TMEM51: variants seen among roughly 807,000 people sequenced by gnomAD.
TMEM51 encodes chromosome 1 open reading frame 72.
A neutral mutation model predicts 13.6 loss-of-function variants in TMEM51; 8 were observed. The observed-to-expected ratio is 0.59, with a 90% CI of 0.35 to 1.07. The LOEUF (loss-of-function observed/expected upper bound fraction) is 1.07, where lower values mean the gene tolerates loss of function less well. Ranked by LOEUF, TMEM51 falls within the 50% of genes least tolerant of loss-of-function variation. TMEM51 has a pLI of 0.02. For missense variants in TMEM51, 279 were observed against 330.7 expected, an observed-to-expected ratio of 0.84 and a Z score of 1.21; for synonymous variants, 147 against 144.4, an observed-to-expected ratio of 1.02 and a Z score of -0.13.
At chr1:15,211,833 C>T (rs565433878) in intron 2 of TMEM51, among the ~76,000 whole-genome samples, 11 of 129,520 alleles carry the variant, frequency 8.5e-5, no homozygotes, top group East Asian at 4.7e-4. Context: ...CCCCCCCCCC[C>T]CCCCGGGATT....
intron 1 of TMEM51, chr1:15,168,417 G>T: frequency 8.1e-7 from 1 of 1,236,834 alleles, no homozygotes; most frequent in South Asian, 1.5e-5. Context: ...ACAGACAAAT[G>T]GTAGATAAAT....
At chr1:15,193,141 C>CTAGG (rs1269039060) in intron 1 of TMEM51, among the ~76,000 whole-genome samples, 1 of 152,180 alleles carries the variant, frequency 6.6e-6, no homozygotes, top group Non-Finnish European at 1.5e-5. Context: ...GGGGAGGAAT[C>CTAGG]TGAGAAGCCC....
At chr1:15,199,733 G>A (rs1418161003) in intron 1 of TMEM51, among the ~76,000 whole-genome samples, 1 of 152,116 alleles carries the variant, frequency 6.6e-6, no homozygotes, top group Non-Finnish European at 1.5e-5. Flanking sequence ...CACACAGCCA[G>A]CCAAACACTC....
Position 15,180,823 on chromosome 1 carries a change from A to G in TMEM51, c.-267+26869A>G, listed in dbSNP as rs80098445. Among the ~76,000 whole-genome samples, 611 of 152,268 alleles carry G rather than the reference A, an allele frequency of 4.0e-3. 3 individuals carry two copies. The highest frequency in any genetic ancestry group is 0.014 in the African/African-American group (582 of 41,530). Reference sequence around the variant, plus strand: ...ACCCTATAGGCAAGGTGCTATTCTTATCTGCAGAGCAAAAACCAAGGCTCA... The same window carrying G: ...ACCCTATAGGCAAGGTGCTATTCTTGTCTGCAGAGCAAAAACCAAGGCTCA... On this transcript the variant is annotated intron_variant, in intron 1 of 3. Transcript: ENST00000376008.
At chr1:15,168,834 G>T in intron 1 of TMEM51, 1 of 1,246,434 alleles carries the variant, frequency 8.0e-7, no homozygotes, top group South Asian at 1.4e-5. Flanking sequence ...GCCATATCCG[G>T]CTCATGATAA....
chr1:15,165,314 G>A (rs1025728245), intron 1 of TMEM51, among the ~76,000 whole-genome samples: 26 of 151,806 alleles, frequency 1.7e-4, no homozygotes, highest in Non-Finnish European at 2.9e-4. Context: ...TCAAAAAAAA[G>A]AAGAAGAAAT....
chr1:15,163,640 TAA>T (rs1553197702), intron 1 of TMEM51, among the ~76,000 whole-genome samples: 6 of 150,360 alleles, frequency 4.0e-5, no homozygotes, highest in Non-Finnish European at 7.4e-5. Context: ...TTATTTTTTG[TAA>T]TAATAGCAAC....
At chr1:15,216,306 A>G (rs1166516538) in intron 3 of TMEM51, among the ~76,000 whole-genome samples, 1 of 152,218 alleles carries the variant, frequency 6.6e-6, no homozygotes, top group Non-Finnish European at 1.5e-5. Context: ...AATAGTTGAT[A>G]TCCCTATTAT....
chr1:15,197,564 C>T (rs1429456265), intron 1 of TMEM51, among the ~76,000 whole-genome samples: 2 of 152,072 alleles, frequency 1.3e-5, no homozygotes, highest in Non-Finnish European at 1.5e-5. Flanking sequence ...CCAAAAGCCC[C>T]GTACTGAGGC....
At position 15,215,333 on chromosome 1, in the gene TMEM51, C is replaced by T; in HGVS notation, c.246C>T (p.Cys82=). The part of the protein sequence containing the change: ...AGVMLLLLSI[C]LSIRDKRKQR... ...TGATGCTGCTGCTGCTTTCTATCTG[C>T]CTGAGTATCAGGGATAAGAGGAAGC... The change falls in exon 3 of 4, where the codon TGC becomes TGT. Residue 82 remains cysteine, a synonymous_variant. Coordinates refer to ENST00000376008, the MANE Select transcript of TMEM51 (RefSeq NM_001136218.2). 6.2e-7 allele frequency: 1 copy of T among 1,613,994 alleles called. No individual in the cohort carries two copies. The highest frequency in any genetic ancestry group is 8.5e-7 in the Non-Finnish European group (1 of 1,180,038).
At chr1:15,212,054 A>C (rs2100348392) in intron 2 of TMEM51, among the ~76,000 whole-genome samples, 1 of 152,312 alleles carries the variant, frequency 6.6e-6, no homozygotes, top group East Asian at 1.9e-4. Flanking sequence ...TGCGTGAACC[A>C]TAATTTATTA....
intron 3 of TMEM51, among the ~76,000 whole-genome samples, chr1:15,216,336 G>T: frequency 6.6e-6 from 1 of 152,128 alleles, no homozygotes; most frequent in East Asian, 1.9e-4. Flanking sequence ...TCTTAGAAAT[G>T]AATATGTAAG....
intron 1 of TMEM51, among the ~76,000 whole-genome samples, chr1:15,166,063 T>C (rs1021231666): frequency 6.6e-6 from 1 of 152,228 alleles, no homozygotes; most frequent in Admixed American, 6.5e-5. Flanking sequence ...TCAGCAGTTA[T>C]GGATGGGGGT....
intron 1 of TMEM51, among the ~76,000 whole-genome samples, chr1:15,196,897 A>G (rs1413675771): frequency 1.3e-5 from 2 of 152,326 alleles, no homozygotes; most frequent in Admixed American, 1.3e-4. Context: ...TAGTTTTGGC[A>G]TTCTAGGACT....
chr1:15,179,371 A>T lies in TMEM51; in HGVS notation c.-267+25417A>T, dbSNP rs959596749. 2.6e-5 allele frequency among the ~76,000 whole-genome samples: 4 copies of T among 152,214 alleles called. No homozygotes were observed. In the South Asian group the frequency reaches 8.3e-4, roughly 32 times the overall value. On this transcript the variant is annotated intron_variant, in intron 1 of 3. Transcript: ENST00000376008. ...GGCCAACAGCTAAACAAACTGATAC[A>T]GTCACACAGCTGATGGCTACTCAGC...
chr1:15,170,873 C>T lies in TMEM51; in HGVS notation c.-267+16919C>T, dbSNP rs12091240. On this transcript the variant is annotated intron_variant, in intron 1 of 3. Coordinates refer to ENST00000376008, the MANE Select transcript of TMEM51 (RefSeq NM_001136218.2). ...CCTCCCAAGCAGCTGGGACTACAGG[C>T]GCCCTCCACCACGCCTGGCTAATTT... Among the ~76,000 whole-genome samples the T allele has an allele frequency of 2.0e-3, 310 of 152,014 alleles. 1 individual carries two copies. The highest frequency in any genetic ancestry group is 7.1e-3 in the African/African-American group (294 of 41,466).
At chr1:15,153,413 A>C (rs1443796076), upstream of TMEM51, among the ~76,000 whole-genome samples, 4 of 151,752 alleles carry the variant, frequency 2.6e-5, no homozygotes, top group Non-Finnish European at 5.9e-5. Flanking sequence ...GTGCGCGCAC[A>C]CACGCATGCA....
intron 1 of TMEM51, chr1:15,191,772 T>A: frequency 3.1e-6 from 1 of 324,344 alleles, no homozygotes; most frequent in African/African-American, 2.2e-5. Flanking sequence ...TTGCAAATCT[T>A]TTTATTTCCA....
At chr1:15,165,490 TC>T (rs1275528690) in intron 1 of TMEM51, among the ~76,000 whole-genome samples, 2 of 152,226 alleles carry the variant, frequency 1.3e-5, no homozygotes, top group African/African-American at 4.8e-5. Context: ...GGTAGTGCTT[TC>T]AGGAGCTCAG....
Sources: allele counts gnomAD v4.1 joint callset (sites outside exome capture counted in the v4.1 genomes callset), GRCh38; gene constraint gnomAD v4.1.1; transcripts MANE v1.5; gene names NCBI Gene and HGNC (gene_info 2026-07-23, HGNC 2026-07-21).